The following ZNF609 variants were observed in gnomAD, a reference collection of about 807,000 sequenced individuals.
ZNF609 encodes the protein zinc finger protein 609.
ZNF609 carries 11 observed loss-of-function variants against 109.5 expected under a neutral mutation model. That is an observed-to-expected ratio of 0.10 (90% CI 0.06 to 0.17). ZNF609 has a LOEUF of 0.17. ZNF609 is among the 10% of genes least tolerant of loss of function. ZNF609 has a pLI of 1.00. For synonymous variants in ZNF609, 646 were observed against 662.0 expected (o/e 0.98, Z 0.37); for missense variants, 1,559 against 1,772.4 (o/e 0.88, Z 2.16).
At chr15:64,618,408 G>C (rs1381272666) in intron 2 of ZNF609, among the ~76,000 whole-genome samples, 1 of 152,154 alleles carries the variant, frequency 6.6e-6, no homozygotes, top group Non-Finnish European at 1.5e-5. Context: ...GCCCCAGTGG[G>C]TGTGTGTTAC....
intron 2 of ZNF609, among the ~76,000 whole-genome samples, chr15:64,586,968 G>A (rs1012989833): frequency 6.6e-6 from 1 of 152,136 alleles, no homozygotes; most frequent in Non-Finnish European, 1.5e-5. Flanking sequence ...TTTTCTTTAA[G>A]ATAATAATTT....
chr15:64,586,223 G>A (rs1895193069), intron 2 of ZNF609, among the ~76,000 whole-genome samples: 1 of 151,984 alleles, frequency 6.6e-6, no homozygotes, highest in Non-Finnish European at 1.5e-5. Context: ...CTACTCGGGA[G>A]GCTGAGGCAG....
chr15:64,559,167 T>C (rs1894639181), intron 2 of ZNF609, among the ~76,000 whole-genome samples: 1 of 152,218 alleles, frequency 6.6e-6, no homozygotes, highest in Non-Finnish European at 1.5e-5. Context: ...AATGTAAATT[T>C]TTTAAATTTT....
At chr15:64,459,808 A>G (rs1319257727), upstream of ZNF609, among the ~76,000 whole-genome samples, 3 of 152,202 alleles carry the variant, frequency 2.0e-5, no homozygotes, top group Admixed American at 6.5e-5. Flanking sequence ...GGGCTCACTT[A>G]AACATGGACT....
chr15:64,625,236 G>A (rs927550258), intron 3 of ZNF609, among the ~76,000 whole-genome samples: 1 of 152,146 alleles, frequency 6.6e-6, no homozygotes, highest in Non-Finnish European at 1.5e-5. Flanking sequence ...AACATAGGTG[G>A]CATCTGACAC....
intron 9 of ZNF609, 75 bp downstream of exon 9, chr15:64,681,462 T>A: frequency 7.8e-7 from 1 of 1,285,338 alleles, no homozygotes; most frequent in Non-Finnish European, 1.1e-6. Flanking sequence ...AATCCCTAGG[T>A]GAGAAATAGC....
chr15:64,678,598 C>A, intron 6 of ZNF609, 116 bp downstream of exon 6: 1 of 1,432,028 alleles, frequency 7.0e-7, no homozygotes, highest in South Asian at 1.4e-5. Flanking sequence ...GCTTAGATGA[C>A]GGACCTTTTT....
At chr15:64,581,869 G>A (rs1368545532) in intron 2 of ZNF609, among the ~76,000 whole-genome samples, 1 of 152,080 alleles carries the variant, frequency 6.6e-6, no homozygotes, top group African/African-American at 2.4e-5. Context: ...TTTGTTTTAT[G>A]GAGAAGAGAA....
chr15:64,526,946 C>G (rs1893975342), intron 2 of ZNF609, among the ~76,000 whole-genome samples: 1 of 152,102 alleles, frequency 6.6e-6, no homozygotes, highest in Admixed American at 6.6e-5. Flanking sequence ...GCACCGTACC[C>G]AGCCCAATAT....
chr15:64,481,309 T>TTTC (rs1315271293), intron 1 of ZNF609, among the ~76,000 whole-genome samples: 1 of 148,882 alleles, frequency 6.7e-6, no homozygotes, highest in African/African-American at 2.6e-5. Context: ...GAAAGGCATC[T>TTTC]TTCTTTTTTC....
chr15:64,649,007 G>A (rs993105098), intron 3 of ZNF609, among the ~76,000 whole-genome samples: 3 of 152,106 alleles, frequency 2.0e-5, no homozygotes, highest in Non-Finnish European at 2.9e-5. Context: ...AGCAAATTTT[G>A]TCTGGGAGCA....
chr15:64,566,930 G>A (rs1379182783), intron 2 of ZNF609, among the ~76,000 whole-genome samples: 1 of 152,146 alleles, frequency 6.6e-6, no homozygotes, highest in Admixed American at 6.6e-5. Flanking sequence ...TTTGATGGCA[G>A]GCAACCTTAA....
chr15:64,554,993 G>T (rs1209585374), intron 2 of ZNF609, among the ~76,000 whole-genome samples: 2 of 151,928 alleles, frequency 1.3e-5, no homozygotes, highest in African/African-American at 4.8e-5. Context: ...CTACTTGGGA[G>T]GCTGAGGCAG....
At chr15:64,563,958 A>G (rs1393472525) in intron 2 of ZNF609, among the ~76,000 whole-genome samples, 2 of 152,000 alleles carry the variant, frequency 1.3e-5, no homozygotes, top group African/African-American at 2.4e-5. Flanking sequence ...ATCTCTGCTC[A>G]CTGCAGCCTC....
rs2083218233 is a variant in ZNF609 at position 64,682,758 on chromosome 15, A to G, written c.*1072A>G. 6.6e-6 allele frequency: 1 copy of G among 152,326 alleles called. No homozygotes were observed. Among genetic ancestry groups the G allele is most frequent in the Admixed American group, 6.5e-5 (1 of 15,278 alleles). The allele number at this position is 152,326 out of a possible 1,614,324, so 9.4% of individuals were successfully genotyped here. On this transcript the variant is annotated 3_prime_UTR_variant, in exon 10 of 10. Coordinates refer to ENST00000326648, the MANE Select transcript of ZNF609 (RefSeq NM_015042.2). ...AGATGTCCTGTCATCTAGCCATCTG[A>G]TATCTTCCTCATTTGAGGCCACAGA...
intron 2 of ZNF609, among the ~76,000 whole-genome samples, chr15:64,561,570 T>TTTTTTTTTTTA: frequency 6.7e-6 from 1 of 148,242 alleles, no homozygotes; most frequent in Admixed American, 6.7e-5. Context: ...TTTTTTTTTT[T>TTTTTTTTTTTA]AAATGATTTA....
intron 3 of ZNF609, among the ~76,000 whole-genome samples, chr15:64,652,254 C>T (rs549087080): frequency 1.3e-5 from 2 of 152,088 alleles, no homozygotes; most frequent in South Asian, 4.1e-4. Context: ...CAACTCCTGG[C>T]CTCAAGTGAT....
intron 2 of ZNF609, among the ~76,000 whole-genome samples, chr15:64,549,162 CTG>C (rs1894419612): frequency 1.3e-5 from 2 of 152,126 alleles, no homozygotes; most frequent in South Asian, 2.1e-4. Flanking sequence ...TGTTTCAAGA[CTG>C]TTTTTGTTTG....
At chr15:64,546,109 A>G (rs1272442652) in intron 2 of ZNF609, among the ~76,000 whole-genome samples, 3 of 152,208 alleles carry the variant, frequency 2.0e-5, no homozygotes, top group African/African-American at 4.8e-5. Flanking sequence ...ACACGATTTT[A>G]TACTCTTACC....
Sources: allele counts gnomAD v4.1 joint callset (sites outside exome capture counted in the v4.1 genomes callset), GRCh38; gene constraint gnomAD v4.1.1; transcripts MANE v1.5; gene names NCBI Gene and HGNC (gene_info 2026-07-23, HGNC 2026-07-21).